ZNF274: variants seen among roughly 807,000 people sequenced by gnomAD.
The protein encoded by ZNF274 is neurotrophin receptor-interacting factor homolog.
In ZNF274, 23 loss-of-function variants were observed where a neutral mutation model predicts 42.5. That is an observed-to-expected ratio of 0.54 (90% CI 0.39 to 0.77). The LOEUF is 0.77. Ranked by LOEUF, ZNF274 falls within the 30% of genes least tolerant of loss-of-function variation. The pLI is 0.00. For synonymous variants in ZNF274, 292 were observed against 305.4 expected, an observed-to-expected ratio of 0.96 and a Z score of 0.46; for missense variants, 679 against 806.5, an observed-to-expected ratio of 0.84 and a Z score of 1.91.
chr19:58,187,533 G>A (rs1376150050), intron 4 of ZNF274, among the ~76,000 whole-genome samples: 3 of 150,832 alleles, frequency 2.0e-5, no homozygotes, highest in African/African-American at 7.3e-5. Flanking sequence ...GCTGTCCTCC[G>A]ACCTCAGCCT....
At chr19:58,201,046 C>T (rs2075904130) in intron 4 of ZNF274, among the ~76,000 whole-genome samples, 2 of 151,806 alleles carry the variant, frequency 1.3e-5, no homozygotes, top group African/African-American at 4.8e-5. Context: ...TCACTCTCAC[C>T]TAGGCGGTAG....
Position 58,213,106 on chromosome 19 carries a change from A to G in ZNF274, c.1925A>G (p.Asn642Ser), listed in dbSNP as rs934531774. 2.4e-5 allele frequency: 38 copies of G among 1,613,118 alleles called. No individual in the cohort carries two copies. Among genetic ancestry groups the G allele is most frequent in the Non-Finnish European group, 3.2e-5 (38 of 1,179,394 alleles). Residue 642 changes from asparagine (N) to serine (S), a missense_variant, in exon 8 of 8, where the codon AAT becomes AGT. By Grantham distance (46) the Asn-to-Ser change is conservative. Transcript: ENST00000617501. ...CTTATTGGGCACCAGAGAACCCACA[A>G]TAGGACAAAGCGAAAGAAGAAACAG... ...SHLIGHQRTHNRTKRKKKQPT... is the reference protein window; with the variant it reads ...SHLIGHQRTHSRTKRKKKQPT...
intron 4 of ZNF274, among the ~76,000 whole-genome samples, chr19:58,200,033 C>T (rs2075891932): frequency 6.6e-6 from 1 of 152,206 alleles, no homozygotes; most frequent in Non-Finnish European, 1.5e-5. Flanking sequence ...CTGACATGGG[C>T]TTGGCTGAGA....
Position 58,208,371 on chromosome 19 carries a change from A to C in ZNF274, c.739+1169A>C, listed in dbSNP as rs2076002634. ...AAGTCTGGGGTGCTGTACTTGGCAG[A>C]ATAATTGCCCCAAAGGTGTCCATGT... On this transcript the variant is annotated intron_variant, in intron 5 of 7. Transcript: ENST00000617501. This position sits in a 1 kb window ranked among gnomAD's most constrained non-coding sequence, Gnocchi z 4.5. The C allele has an allele frequency of 6.6e-6, 1 of 152,232 alleles. No homozygotes were observed. Among genetic ancestry groups the C allele is most frequent in the African/African-American group, 2.4e-5 (1 of 41,444 alleles). The allele number at this position is 152,232 out of a possible 1,614,324, so 9.4% of individuals were successfully genotyped here.
rs767529396 is a variant in ZNF274, at chr19:58,207,435, T to C, written c.739+233T>C. On this transcript the variant is annotated intron_variant, in intron 5 of 7. Transcript: ENST00000617501. This position sits in a 1 kb window ranked among gnomAD's most constrained non-coding sequence, Gnocchi z 5.6. ...GGAAGCACACAGATGAAGTGCTTCA[T>C]TTTTATCCCTCTGGCATCCCTGCTG... 2.0e-5 allele frequency among the ~76,000 whole-genome samples: 3 copies of C among 152,160 alleles called. No homozygotes were observed. Among genetic ancestry groups the C allele is most frequent in the Admixed American group, 1.3e-4 (2 of 15,286 alleles).
chr19:58,202,791 T>C (rs965534755), intron 4 of ZNF274, among the ~76,000 whole-genome samples: 12 of 152,314 alleles, frequency 7.9e-5, no homozygotes, highest in Admixed American at 5.2e-4. Flanking sequence ...GGTTGACATT[T>C]GGAGGACTGA....
chr19:58,188,615 AAAAAAATATAT>A (rs1396006250), intron 4 of ZNF274, among the ~76,000 whole-genome samples: 1,521 of 58,844 alleles, frequency 0.026, 73 homozygotes, highest in African/African-American at 0.1. Flanking sequence ...CAAAAAAAAA[AAAAAAATATAT>A]ATATATATAT....
chr19:58,184,963 A>G (rs1296660923), intron 2 of ZNF274: 1 of 151,404 alleles, frequency 6.6e-6, no homozygotes, highest in Non-Finnish European at 1.5e-5. Context: ...TTAAAAAAAT[A>G]CAAAAAATTA....
Position 58,206,833 on chromosome 19 carries a change from C to T in ZNF274, c.370C>T (p.Arg124Trp), listed in dbSNP as rs2075983670. Residue 124 changes from arginine (R) to tryptophan (W), a missense_variant, in exon 5 of 8, where the codon CGG (arginine) becomes TGG (tryptophan). By Grantham distance (101) the Arg-to-Trp change is moderately radical. This residue lies in a region of ZNF274 where 223 missense variants were observed against 216.4 expected (regional missense o/e 1.03). Transcript: ENST00000617501. Reference protein sequence around the residue: ...LTLNQEVAGPRNAQIQALYAE... With the variant: ...LTLNQEVAGPWNAQIQALYAE... Reference sequence around the variant, plus strand: ...ACTGAACCAGGAGGTGGCTGGTCCCCGGAATGCCCAGATCCAGGCCCTATA... The same window carrying T: ...ACTGAACCAGGAGGTGGCTGGTCCCTGGAATGCCCAGATCCAGGCCCTATA... The T allele has an allele frequency of 1.2e-6, 2 of 1,613,952 alleles. No homozygotes were observed. Among genetic ancestry groups the T allele is most frequent in the South Asian group, 1.1e-5 (1 of 91,056 alleles).
At chr19:58,203,207 T>C (rs918406066) in intron 4 of ZNF274, among the ~76,000 whole-genome samples, 1 of 152,152 alleles carries the variant, frequency 6.6e-6, no homozygotes, top group Non-Finnish European at 1.5e-5. Context: ...GCATGTCCCA[T>C]GTCCTAGGCA....
intron 4 of ZNF274, among the ~76,000 whole-genome samples, chr19:58,190,150 TC>T (rs2075762808): frequency 7.1e-6 from 1 of 140,564 alleles, no homozygotes; most frequent in Non-Finnish European, 1.6e-5. Flanking sequence ...TTTATCTCTC[TC>T]TTTTTTTTTT....
chr19:58,206,915 G>A lies in ZNF274; in HGVS notation c.452G>A (p.Gly151Asp), dbSNP rs1203239145. ...CCCAGTGAGCAGGTCCAACAGCAGG[G>A]CAAGCATCCAGGTGACCCTGAGGCC... ...DAPSEQVQQQ[G>D]KHPGDPEAAR... is the part of the protein sequence containing the mutation. Residue 151 changes from glycine to aspartate, a missense_variant, in exon 5 of 8, where the codon GGC (glycine) becomes GAC (aspartate). Around this residue, in one of 2 missense-constraint regions of ZNF274, gnomAD observed 223 missense variants for 216.4 expected, o/e 1.03. Coordinates refer to ENST00000617501, the MANE Select transcript of ZNF274 (RefSeq NM_133502.3). 1.9e-6 allele frequency: 3 copies of A among 1,613,252 alleles called. No homozygotes were observed. In the South Asian group the frequency reaches 3.3e-5, roughly 18 times the overall value.
chr19:58,209,951 C>A lies in ZNF274; in HGVS notation c.740-10C>A. 1 of 1,606,530 alleles carries A rather than the reference C, an allele frequency of 6.2e-7. No individual in the cohort carries two copies. Among genetic ancestry groups the A allele is most frequent in the South Asian group, 1.1e-5 (1 of 90,296 alleles). The stretch of plus-strand genomic sequence containing the variant: ...CCTGCTGACCTCCTCTGGCTGGTGT[C>A]TCCTCCCAGTACTTCCTGCAGGACA... On this transcript the variant is annotated splice_polypyrimidine_tract_variant and intron_variant, in intron 5 of 7. Coordinates refer to ENST00000617501, the MANE Select transcript of ZNF274 (RefSeq NM_133502.3).
At chr19:58,188,694 GTATA>G (rs71925177) in intron 4 of ZNF274, among the ~76,000 whole-genome samples, 7,365 of 74,482 alleles carry the variant, frequency 0.099, 324 homozygotes, top group Middle Eastern at 0.24. Context: ...ATATGTATAT[GTATA>G]TATATATATA....
chr19:58,213,455 T>C lies in ZNF274; in HGVS notation c.*312T>C, dbSNP rs1199522941. ...ATAATAACTTTAAAAAGCCAGGTAA[T>C]TAATAATCTGCACTGATATTACATC... On this transcript the variant is annotated 3_prime_UTR_variant, in exon 8 of 8. Transcript: ENST00000617501. 1 of 296,732 alleles carries C rather than the reference T, an allele frequency of 3.4e-6. No homozygotes were observed. The highest frequency in any genetic ancestry group is 6.3e-5 in the East Asian group (1 of 15,988). The allele number at this position is 296,732 out of a possible 1,614,324, so 18.4% of individuals were successfully genotyped here.
intron 4 of ZNF274, among the ~76,000 whole-genome samples, chr19:58,198,062 G>A (rs919830671): frequency 6.6e-6 from 1 of 152,014 alleles, no homozygotes; most frequent in African/African-American, 2.4e-5. Flanking sequence ...GACATTTTTG[G>A]GGGGAAAGAA....
intron 5 of ZNF274, chr19:58,209,627 A>C (rs2076017218): frequency 1.0e-5 from 2 of 198,382 alleles, no homozygotes; most frequent in Non-Finnish European, 2.1e-5. Context: ...GACTCTAAGG[A>C]GGGGGCGTCA....
At chr19:58,203,529 G>C (rs910949032) in intron 4 of ZNF274, among the ~76,000 whole-genome samples, 1 of 146,744 alleles carries the variant, frequency 6.8e-6, no homozygotes, top group African/African-American at 2.5e-5. Flanking sequence ...AGTGAGCCGA[G>C]ATCCCTCCAC....
chr19:58,188,621 ATAT>A (rs1313035754), intron 4 of ZNF274, among the ~76,000 whole-genome samples: 3 of 18,346 alleles, frequency 1.6e-4, no homozygotes, highest in East Asian at 8.5e-4. Flanking sequence ...AAAAAAAAAA[ATAT>A]ATATATATAT....
Sources: gnomAD v4.1 joint callset for allele counts (sites outside exome capture counted in the v4.1 genomes callset) on GRCh38, gnomAD v4.1.1 for gene constraint, gnomAD v4.1.1 regional missense constraint, Gnocchi (gnomAD v3.1) non-coding constraint, MANE v1.5 for transcripts, NCBI Gene and HGNC (gene_info 2026-07-23, HGNC 2026-07-21) for gene names.